DPP9: variants seen among roughly 807,000 people sequenced by gnomAD.
DPP9 encodes the protein dipeptidyl peptidase IV-related protein-2.
DPP9 carries 50 observed loss-of-function variants against 110.7 expected under a neutral mutation model. The observed-to-expected ratio is 0.45, with a 90% confidence interval of 0.36 to 0.57. DPP9 has a LOEUF of 0.57. Among genes scored for constraint, DPP9 ranks in the 20% least tolerant of loss-of-function variants. The pLI is 0.00. For synonymous variants in DPP9, 561 were observed against 514.4 expected (o/e 1.09, Z -1.23); for missense variants, 1,022 against 1,217.9 (o/e 0.84, Z 2.39).
chr19:4,679,069 G>GC (rs148632622), intron 21 of DPP9, among the ~76,000 whole-genome samples: 4,398 of 146,900 alleles, frequency 0.03, 187 homozygotes, highest in African/African-American at 0.088. Context: ...CTTACTGAGG[G>GC]CCCCCCCTCC....
intron 7 of DPP9, 73 bp from the exon 8 acceptor site, chr19:4,702,789 G>GGAGA: frequency 2.5e-6 from 2 of 797,536 alleles, no homozygotes; most frequent in Non-Finnish European, 3.8e-6. Flanking sequence ...AGGGGCTCAA[G>GGAGA]GAGAGCATGA....
chr19:4,688,909 G>T lies in DPP9; in HGVS notation c.1750-17C>A, dbSNP rs2091047604. ...GTCGAAGTTCTGGGGGTGGAATGGG[G>T]TGATGAGCTCCACGGGATGCCGCTG... On this transcript the variant is annotated splice_polypyrimidine_tract_variant and intron_variant, in intron 15 of 21. Transcript: ENST00000262960. 3 of 1,512,440 alleles carry T rather than the reference G, an allele frequency of 2.0e-6. No individual in the cohort carries two copies. The highest frequency in any genetic ancestry group is 1.5e-5 in the African/African-American group (1 of 68,538). 93.7% of individuals were successfully genotyped at this position (1,512,440 alleles called of 1,614,324 possible).
In DPP9 at chr19:4,689,693, C is replaced by G; in HGVS notation, c.1626G>C (p.Val542=). The change falls in exon 15 of 22, where the codon GTG becomes GTC. Residue 542 remains valine, a synonymous_variant. Transcript: ENST00000262960. The surrounding 1 kb of genome is among the most constrained non-coding windows in gnomAD (Gnocchi z 7.0). ...GCGTGTCCTTGGTGCCCTGGAAGTA[C>G]ACCAGCTTGGTCTCCTCATTGACCC... The part of the protein sequence containing the change: ...KIWVNEETKL[V]YFQGTKDTPL... The G allele has an allele frequency of 6.4e-7, 1 of 1,554,746 alleles. No individual in the cohort carries two copies. The highest frequency in any genetic ancestry group is 8.7e-7 in the Non-Finnish European group (1 of 1,148,740).
At position 4,714,341 on chromosome 19, in the gene DPP9, C is replaced by G; in HGVS notation, c.57-4G>C. The stretch of plus-strand genomic sequence containing the variant: ...CCCCTCGGAATTCAGCGAGAAGCTG[C>G]GGGGAGGAAGCAAAGACTATGAGAA... On this transcript the variant is annotated splice_polypyrimidine_tract_variant and splice_region_variant and intron_variant, in intron 3 of 21. Coordinates refer to ENST00000262960, the MANE Select transcript of DPP9 (RefSeq NM_139159.5). 2 of 1,489,296 alleles carry G rather than the reference C, an allele frequency of 1.3e-6. No individual in the cohort carries two copies. Among genetic ancestry groups the G allele is most frequent in the Non-Finnish European group, 1.8e-6 (2 of 1,120,818 alleles). The allele number at this position is 1,489,296 out of a possible 1,614,324, so 92.3% of individuals were successfully genotyped here.
At chr19:4,715,333 G>C (rs1339741659) in intron 3 of DPP9, among the ~76,000 whole-genome samples, 1 of 152,028 alleles carries the variant, frequency 6.6e-6, no homozygotes, top group African/African-American at 2.4e-5. Context: ...TGCTTGGCCA[G>C]CTTCTAATCA....
chr19:4,681,705 C>T lies in DPP9; in HGVS notation c.2474+991G>A, dbSNP rs902465580. Among the ~76,000 whole-genome samples, 3 of 152,002 alleles carry T rather than the reference C, an allele frequency of 2.0e-5. No homozygotes were observed. In the East Asian group the frequency reaches 5.8e-4, roughly 29 times the overall value. ...TCAGCCTTCCAAGTAGCTGGCATTA[C>T]AGGCATGCACCACCATGCCCAGCTT... On this transcript the variant is annotated intron_variant, in intron 20 of 21. Coordinates refer to ENST00000262960, the MANE Select transcript of DPP9 (RefSeq NM_139159.5).
chr19:4,689,460 T>C lies in DPP9; in HGVS notation c.1749+110A>G. ...GCCTGCCCCAAGGCAGCTATGAGAA[T>C]GCGAGACCATGAGAATGACCCTGAG... is the stretch of plus-strand genomic sequence containing the variant. On this transcript the variant is annotated intron_variant, in intron 15 of 21. Coordinates refer to ENST00000262960, the MANE Select transcript of DPP9 (RefSeq NM_139159.5). This position sits in a 1 kb window ranked among gnomAD's most constrained non-coding sequence, Gnocchi z 7.0. 1.5e-6 allele frequency: 2 copies of C among 1,376,484 alleles called. No individual in the cohort carries two copies. The highest frequency in any genetic ancestry group is 1.9e-6 in the Non-Finnish European group (2 of 1,029,422). 85.3% of individuals were successfully genotyped at this position (1,376,484 alleles called of 1,614,324 possible).
In DPP9 at chr19:4,695,662, G is replaced by A. The variant is rs1357482019; in HGVS notation, c.1176-107C>T. The stretch of plus-strand genomic sequence containing the variant: ...CCAAACCCGTGTGGAATCAGGGCTG[G>A]GCTTCCTGCGCTGGCTTCACCTGCA... On this transcript the variant is annotated intron_variant, in intron 11 of 21. Transcript: ENST00000262960. The surrounding 1 kb of genome is among the most constrained non-coding windows in gnomAD (Gnocchi z 4.7). 4.0e-6 allele frequency: 4 copies of A among 1,005,596 alleles called. No individual in the cohort carries two copies. Among genetic ancestry groups the A allele is most frequent in the Non-Finnish European group, 5.5e-6 (4 of 731,924 alleles). 62.3% of individuals were successfully genotyped at this position (1,005,596 alleles called of 1,614,324 possible).
At position 4,694,615 on chromosome 19, in the gene DPP9, C is replaced by T. The variant is rs373590057; in HGVS notation, c.1516+46G>A. 3.5e-5 allele frequency: 56 copies of T among 1,581,744 alleles called. No homozygotes were observed. The African/African-American group carries it at 3.6e-4, about 10-fold the overall frequency. ...TGAACAAACAGCATATTGAACCACA[C>T]GTGACTAACGCGATGAGTCGACAGC... On this transcript the variant is annotated intron_variant, in intron 13 of 21. Transcript: ENST00000262960. This position sits in a 1 kb window ranked among gnomAD's most constrained non-coding sequence, Gnocchi z 4.0.
chr19:4,714,431 A>T, intron 3 of DPP9, 94 bp from the exon 4 acceptor site: 1 of 1,413,796 alleles, frequency 7.1e-7, no homozygotes, highest in East Asian at 2.6e-5. Flanking sequence ...AGGTTCTTCC[A>T]GACGAGCCCC....
intron 13 of DPP9, among the ~76,000 whole-genome samples, chr19:4,692,674 G>A (rs1181446783): frequency 2.6e-5 from 4 of 152,156 alleles, no homozygotes; most frequent in African/African-American, 7.2e-5. Context: ...GAGAGTGGCA[G>A]CTGCAGCTGG....
chr19:4,721,465 C>T (rs776242420), intron 2 of DPP9, among the ~76,000 whole-genome samples: 10 of 152,192 alleles, frequency 6.6e-5, no homozygotes, highest in Non-Finnish European at 1.0e-4. Flanking sequence ...TCCCATGATG[C>T]GCAGTTGCCC....
chr19:4,706,717 G>A (rs941921153), intron 4 of DPP9, among the ~76,000 whole-genome samples: 2 of 152,226 alleles, frequency 1.3e-5, no homozygotes, highest in African/African-American at 2.4e-5. Context: ...TCGTCAGGCT[G>A]AGGCAGGAGA....
At chr19:4,679,363 G>A in intron 21 of DPP9, 2 of 151,074 alleles carry the variant, frequency 1.3e-5, no homozygotes, top group East Asian at 2.1e-4. Context: ...CTCTCCTCCC[G>A]CTCGGTCCCC....
In DPP9 at chr19:4,695,694, C is replaced by A; in HGVS notation, c.1176-139G>T. 1 of 642,588 alleles carries A rather than the reference C, an allele frequency of 1.6e-6. No homozygotes were observed. Among genetic ancestry groups the A allele is most frequent in the Non-Finnish European group, 2.4e-6 (1 of 412,128 alleles). The allele number at this position is 642,588 out of a possible 1,614,324, so 39.8% of individuals were successfully genotyped here. On this transcript the variant is annotated intron_variant, in intron 11 of 21. Coordinates refer to ENST00000262960, the MANE Select transcript of DPP9 (RefSeq NM_139159.5). This position sits in a 1 kb window ranked among gnomAD's most constrained non-coding sequence, Gnocchi z 4.7. The stretch of plus-strand genomic sequence containing the variant: ...TGCGCTGGCTTCACCTGCACTTGGC[C>A]AAGTAACCCTGCAGCACCCACAGGC...
intron 2 of DPP9, among the ~76,000 whole-genome samples, chr19:4,721,037 C>A (rs1321930023): frequency 6.6e-6 from 1 of 152,046 alleles, no homozygotes; most frequent in African/African-American, 2.4e-5. Flanking sequence ...ATCCCCTAAC[C>A]CAGGGGTCTC....
intron 4 of DPP9, among the ~76,000 whole-genome samples, chr19:4,707,491 G>A (rs1298678276): frequency 4.0e-5 from 6 of 151,882 alleles, no homozygotes; most frequent in African/African-American, 7.3e-5. Flanking sequence ...CATGACTAAC[G>A]ACAAGTCACA....
intron 2 of DPP9, 49 bp from the exon 3 acceptor site, chr19:4,719,990 G>T: frequency 1.3e-6 from 2 of 1,495,024 alleles, no homozygotes; most frequent in Non-Finnish European, 1.8e-6. Flanking sequence ...CCCAGCAGGT[G>T]GGGAGTGGGC....
chr19:4,696,534 G>A (rs2091817432), intron 11 of DPP9, among the ~76,000 whole-genome samples: 1 of 152,148 alleles, frequency 6.6e-6, no homozygotes, highest in Non-Finnish European at 1.5e-5. Flanking sequence ...GCCGAGGGGG[G>A]CGGATCACAA....
Sources: gnomAD v4.1 joint callset for allele counts (sites outside exome capture counted in the v4.1 genomes callset) on GRCh38, gnomAD v4.1.1 for gene constraint, Gnocchi (gnomAD v3.1) non-coding constraint, MANE v1.5 for transcripts, NCBI Gene and HGNC (gene_info 2026-07-23, HGNC 2026-07-21) for gene names.